TNRC18: variants seen among roughly 807,000 people sequenced by gnomAD.
TNRC18 encodes trinucleotide repeat-containing gene 18 protein.
A neutral mutation model predicts 226.7 loss-of-function variants in TNRC18; 69 were observed. The ratio of observed to expected loss-of-function variants is 0.30; its 90% CI spans 0.25 to 0.37. TNRC18 has a LOEUF of 0.37. Among genes scored for constraint, TNRC18 ranks in the 10% least tolerant of loss-of-function variants. TNRC18 has a pLI of 1.00. For missense variants in TNRC18, 4,754 were observed against 4,256.6 expected (o/e 1.12, Z -3.25); for synonymous variants, 2,449 against 1,927.6 (o/e 1.27, Z -7.09).
Position 5,388,441 on chromosome 7 carries a change from A to C in TNRC18, c.1383T>G (p.Pro461=). The change falls in exon 5 of 30, where the codon CCT becomes CCG. Residue 461 remains proline, a synonymous_variant. Coordinates refer to ENST00000430969, the MANE Select transcript of TNRC18 (RefSeq NM_001080495.3). ...RASPDPRAYV[P]AKELLKPEAD... ...CCTCGGGCTTGAGCAGCTCCTTGGC[A>C]GGCACGTAGGCGCGGGGGTCCGGGG... 6.8e-7 allele frequency: 1 copy of C among 1,461,734 alleles called. No homozygotes were observed. The highest frequency in any genetic ancestry group is 1.3e-5 in the South Asian group (1 of 74,956). The allele number at this position is 1,461,734 out of a possible 1,614,324, so 90.5% of individuals were successfully genotyped here. A position where few individuals can be genotyped will look rare whatever the true frequency, so the allele number is the denominator to read the frequency against.
chr7:5,355,044 GCCCCAGGGCCTGGGGATT>G (rs1383284464), intron 16 of TNRC18, among the ~76,000 whole-genome samples: 1 of 152,134 alleles, frequency 6.6e-6, no homozygotes, highest in Non-Finnish European at 1.5e-5. Flanking sequence ...CTCTCCACCC[GCCCCAGGGCCTGGGGATT>G]CCCAGAACAA....
Position 5,374,293 on chromosome 7 carries a change from G to A in TNRC18, c.2991C>T (p.Arg997=), listed in dbSNP as rs940163831. 24 of 1,464,800 alleles carry A rather than the reference G, an allele frequency of 1.6e-5. No homozygotes were observed. The highest frequency in any genetic ancestry group is 1.0e-4 in the African/African-American group (7 of 68,088). 90.7% of individuals were successfully genotyped at this position (1,464,800 alleles called of 1,614,324 possible). A position where few individuals can be genotyped will look rare whatever the true frequency, so the allele number is the denominator to read the frequency against. ...GKAVSPPPSP[R]ASPVAALKAK... is the part of the protein sequence containing the mutation. ...CCTTCAGGGCAGCCACAGGGGATGC[G>A]CGGGGTGATGGTGGCGGGCTCACGG... is the stretch of plus-strand genomic sequence containing the variant. Residue 997 remains arginine, a synonymous_variant, in exon 10 of 30, where the codon CGC becomes CGT. Coordinates refer to ENST00000430969, the MANE Select transcript of TNRC18 (RefSeq NM_001080495.3).
At chr7:5,314,941 G>T in intron 26 of TNRC18, 43 bp downstream of exon 26, 1 of 1,560,864 alleles carries the variant, frequency 6.4e-7, no homozygotes, top group African/African-American at 1.4e-5. Context: ...ATGCACGAAG[G>T]AGATCCGCCC....
chr7:5,316,082 G>C lies in TNRC18; in HGVS notation c.6746-10C>G, dbSNP rs758968532. The C allele has an allele frequency of 7.5e-6, 12 of 1,609,042 alleles. No individual in the cohort carries two copies. The South Asian group carries it at 1.3e-4, about 18-fold the overall frequency. On this transcript the variant is annotated splice_polypyrimidine_tract_variant and intron_variant, in intron 24 of 29. Coordinates refer to ENST00000430969, the MANE Select transcript of TNRC18 (RefSeq NM_001080495.3). Reference sequence around the variant, plus strand: ...TCCAGGTCCAGTAACCCTGTGGGAAGAGGGGAGGCTCAGGGGAGGCCCTCG... The same window carrying C: ...TCCAGGTCCAGTAACCCTGTGGGAACAGGGGAGGCTCAGGGGAGGCCCTCG...
Position 5,370,734 on chromosome 7 carries a change from G to A in TNRC18, c.3860C>T (p.Ser1287Phe), listed in dbSNP as rs61745241. The A allele has an allele frequency of 3.2e-3, 5,086 of 1,605,644 alleles. 10 individuals carry two copies. The highest frequency in any genetic ancestry group is 3.9e-3 in the Non-Finnish European group (4,632 of 1,176,802). The change falls in exon 11 of 30, where the codon TCC (serine) becomes TTC (phenylalanine). Residue 1287 changes from serine (S) to phenylalanine (F), a missense_variant. By Grantham distance (155) the Ser-to-Phe change is radical. Coordinates refer to ENST00000430969, the MANE Select transcript of TNRC18 (RefSeq NM_001080495.3). ...GTCTGACATTTCTAGGGTGGGCTGG[G>A]ACTCGCTCGGTGCCACCTGCGCCAG... ...EGLAQVAPSE[S>F]QPTLEMSDCD...
At position 5,423,621 on chromosome 7, in the gene TNRC18, C is replaced by G. The variant is rs1320321832; in HGVS notation, c.-424G>C. The G allele has an allele frequency of 1.3e-5, 2 of 151,842 alleles. No homozygotes were observed. The highest frequency in any genetic ancestry group is 3.9e-4 in the East Asian group (2 of 5,134). The allele number at this position is 151,842 out of a possible 1,614,324, so 9.4% of individuals were successfully genotyped here. A position where few individuals can be genotyped will look rare whatever the true frequency, so the allele number is the denominator to read the frequency against. On this transcript the variant is annotated 5_prime_UTR_variant, in exon 1 of 30. Coordinates refer to ENST00000430969, the MANE Select transcript of TNRC18 (RefSeq NM_001080495.3). ...TCCTTTTTTTGGTAGAAAACCGCTCCCCGGGCCGAGCGCTCGGCGCGCCAA... is the reference window on the plus strand; with the variant it reads ...TCCTTTTTTTGGTAGAAAACCGCTCGCCGGGCCGAGCGCTCGGCGCGCCAA...
intron 18 of TNRC18, among the ~76,000 whole-genome samples, chr7:5,343,407 T>C (rs1306651861): frequency 6.6e-6 from 1 of 152,196 alleles, no homozygotes; most frequent in Admixed American, 6.5e-5. Context: ...CAGGATAGTG[T>C]AAACATATGC....
chr7:5,345,874 C>G, intron 17 of TNRC18, 64 bp from the exon 18 acceptor site: 1 of 1,488,446 alleles, frequency 6.7e-7, no homozygotes, highest in East Asian at 2.5e-5. Flanking sequence ...CCCCCCACCG[C>G]CCCCTGGCCC....
chr7:5,362,770 G>A lies in TNRC18; in HGVS notation c.4275C>T (p.Gly1425=). 1 of 1,570,674 alleles carries A rather than the reference G, an allele frequency of 6.4e-7. No homozygotes were observed. The highest frequency in any genetic ancestry group is 8.6e-7 in the Non-Finnish European group (1 of 1,158,586). ...RPSLESLLAA[G]SHMLREVLDG... ...CCAGCACCTCCCTCAGCATGTGGCT[G>A]CCAGCTGCCAGCAGACTCTCCAGGG... The change falls in exon 12 of 30, where the codon GGC becomes GGT. Residue 1425 remains glycine, a synonymous_variant. Coordinates refer to ENST00000430969, the MANE Select transcript of TNRC18 (RefSeq NM_001080495.3).
At chr7:5,321,639 C>CTGACTTTATTTA (rs756697777) in intron 21 of TNRC18, among the ~76,000 whole-genome samples, 2 of 143,410 alleles carry the variant, frequency 1.4e-5, no homozygotes, top group African/African-American at 5.2e-5. Context: ...ACTTCTAGGA[C>CTGACTTTATTTA]TTTATTTATT....
intron 9 of TNRC18, among the ~76,000 whole-genome samples, chr7:5,375,708 G>A (rs541314983): frequency 6.6e-6 from 1 of 152,244 alleles, no homozygotes; most frequent in African/African-American, 2.4e-5. Flanking sequence ...AACAGCGGGA[G>A]CCCACTGGAC....
chr7:5,351,861 G>A lies in TNRC18; in HGVS notation c.5428C>T (p.Arg1810Cys), dbSNP rs1256133345. ...TCCGAAGAGTCGCTGAAGGAGGAAC[G>A]CGCCTCGGCCTCTCGAAGCAGCAGA... is the stretch of plus-strand genomic sequence containing the variant. ...FCLLLREAEA[R>C]SSFSDSSEES... The change falls in exon 17 of 30, where the codon CGT becomes TGT. Residue 1810 changes from arginine (R) to cysteine (C), a missense_variant. Arg to Cys is a radical substitution (Grantham distance 180). Transcript: ENST00000430969. 1.3e-5 allele frequency: 21 copies of A among 1,608,628 alleles called. No homozygotes were observed. In the East Asian group the frequency reaches 2.9e-4, roughly 22 times the overall value.
rs1224817825 is a variant in TNRC18 at position 5,376,071 on chromosome 7, G to A, written c.2762C>T (p.Ala921Val). Residue 921 changes from alanine to valine, a missense_variant, in exon 9 of 30, where the codon GCC (alanine) becomes GTC (valine). Ala to Val is a moderately conservative substitution (Grantham distance 64). Coordinates refer to ENST00000430969, the MANE Select transcript of TNRC18 (RefSeq NM_001080495.3). Reference protein sequence around the residue: ...QEFLYLQQQAAQALELQRSAQ... With the variant: ...QEFLYLQQQAVQALELQRSAQ... ...GCTCCTCTGCAGTTCCAAGGCCTGG[G>A]CCGCCTGCTGCTGCAGGTACAGGAA... 11 of 1,596,856 alleles carry A rather than the reference G, an allele frequency of 6.9e-6. No homozygotes were observed. Among genetic ancestry groups the A allele is most frequent in the South Asian group, 1.1e-5 (1 of 88,182 alleles).
chr7:5,414,245 C>G (rs944483595), intron 2 of TNRC18, among the ~76,000 whole-genome samples: 28 of 151,048 alleles, frequency 1.9e-4, no homozygotes, highest in African/African-American at 6.9e-4. Context: ...CGTGCCCAGC[C>G]TCACTGTCTT....
At chr7:5,419,996 T>C (rs1782448236) in intron 2 of TNRC18, 1 of 162,948 alleles carries the variant, frequency 6.1e-6, no homozygotes, top group African/African-American at 2.4e-5. Flanking sequence ...TTTTTTTTTT[T>C]TAAGTCGAGA....
At chr7:5,345,519 C>CG in intron 18 of TNRC18, 43 bp downstream of exon 18, 2 of 174,076 alleles carry the variant, frequency 1.1e-5, no homozygotes, top group Non-Finnish European at 2.4e-5. Flanking sequence ...TGGCGTCCGC[C>CG]CCTCCCACCC....
At chr7:5,321,865 T>A (rs1583762472) in intron 21 of TNRC18, among the ~76,000 whole-genome samples, 1 of 147,432 alleles carries the variant, frequency 6.8e-6, no homozygotes, top group African/African-American at 2.5e-5. Flanking sequence ...AGAGACGGGG[T>A]TCCACCATGT....
intron 2 of TNRC18, among the ~76,000 whole-genome samples, chr7:5,395,021 G>A (rs1780573503): frequency 6.6e-6 from 1 of 152,116 alleles, no homozygotes; most frequent in African/African-American, 2.4e-5. Flanking sequence ...TACAGGCGGG[G>A]GGCTCATATG....
At chr7:5,355,208 T>C (rs931827524) in intron 16 of TNRC18, among the ~76,000 whole-genome samples, 4 of 152,222 alleles carry the variant, frequency 2.6e-5, no homozygotes, top group African/African-American at 9.6e-5. Context: ...AAGCACCCAC[T>C]ACCTGCCAGG....
Sources: gnomAD v4.1 joint callset for allele counts (sites outside exome capture counted in the v4.1 genomes callset) on GRCh38, gnomAD v4.1.1 for gene constraint, MANE v1.5 for transcripts, NCBI Gene and HGNC (gene_info 2026-07-23, HGNC 2026-07-21) for gene names.